The following MYO18B variants were observed in gnomAD, a reference collection of about 807,000 sequenced individuals.
The protein encoded by MYO18B is unconventional myosin-XVIIIb.
MYO18B carries 204 observed loss-of-function variants against 273.0 expected under a neutral mutation model. The observed-to-expected ratio is 0.75, with a 90% CI of 0.67 to 0.84. MYO18B has a LOEUF of 0.84. Ranked by LOEUF, MYO18B falls within the 40% of genes least tolerant of loss-of-function variation. The pLI is 0.00. For missense variants in MYO18B, 3,212 were observed against 3,287.6 expected (o/e 0.98, Z 0.56); for synonymous variants, 1,330 against 1,305.7 (o/e 1.02, Z -0.40).
At chr22:25,943,496 C>A (rs2092668548) in intron 34 of MYO18B, among the ~76,000 whole-genome samples, 1 of 152,112 alleles carries the variant, frequency 6.6e-6, no homozygotes, top group Non-Finnish European at 1.5e-5. Context: ...TGTAGCCCAG[C>A]TCACAAGCCT....
intron 42 of MYO18B, among the ~76,000 whole-genome samples, chr22:26,022,416 G>A (rs1421317747): frequency 2.0e-5 from 3 of 152,128 alleles, no homozygotes; most frequent in African/African-American, 4.8e-5. Flanking sequence ...CTACAAAACG[G>A]CATCTGAATT....
chr22:25,832,876 C>G, intron 15 of MYO18B, 41 bp from the exon 16 acceptor site: 1 of 1,549,084 alleles, frequency 6.5e-7, no homozygotes, highest in East Asian at 2.3e-5. Flanking sequence ...CCCCCTTCAG[C>G]TCGCTAAAAG....
chr22:25,961,985 T>G (rs921820137), intron 39 of MYO18B, among the ~76,000 whole-genome samples: 3 of 152,210 alleles, frequency 2.0e-5, no homozygotes, highest in African/African-American at 7.2e-5. Context: ...CTTCCCTTTG[T>G]GTCATGAGTG....
At chr22:25,876,615 C>T (rs1274522097) in intron 24 of MYO18B, among the ~76,000 whole-genome samples, 2 of 146,934 alleles carry the variant, frequency 1.4e-5, no homozygotes, top group African/African-American at 2.6e-5. Flanking sequence ...GCTCAATGGG[C>T]AGAGTCTTTG....
rs2089949294 is a variant in MYO18B at position 25,837,731 on chromosome 22, C to T, written c.3208+2288C>T. ...CATCTGATGCCTCCTGCAGCTCTCT[C>T]TGGAGCAAGCTCACAGTGCAAATTC... On this transcript the variant is annotated intron_variant, in intron 17 of 43. Transcript: ENST00000335473. Among the ~76,000 whole-genome samples the T allele has an allele frequency of 2.6e-5, 4 of 152,232 alleles. No individual in the cohort carries two copies. The South Asian group carries it at 8.3e-4, about 32-fold the overall frequency.
chr22:26,042,211 C>G, the MYO18B span, among the ~76,000 whole-genome samples: 1 of 152,232 alleles, frequency 6.6e-6, no homozygotes. Flanking sequence ...CAGAGTGTAA[C>G]TCACCTGGGA....
intron 1 of MYO18B, among the ~76,000 whole-genome samples, chr22:25,753,784 AGAAG>A (rs1381272010): frequency 3.9e-5 from 6 of 152,200 alleles, no homozygotes; most frequent in African/African-American, 1.4e-4. Context: ...CGAACCCATG[AGAAG>A]GAAGAAACTC....
At chr22:25,813,866 T>A (rs1474461975) in intron 12 of MYO18B, among the ~76,000 whole-genome samples, 1 of 152,116 alleles carries the variant, frequency 6.6e-6, no homozygotes, top group Non-Finnish European at 1.5e-5. Context: ...CCCAAATGCC[T>A]TCCCACGGCT....
downstream of MYO18B, among the ~76,000 whole-genome samples, chr22:26,033,418 G>T (rs940311101): frequency 6.6e-6 from 1 of 152,198 alleles, no homozygotes; most frequent in Non-Finnish European, 1.5e-5. Context: ...AAATTATCTT[G>T]TGAGTTCCGT....
chr22:25,871,660 T>C (rs998432239), intron 22 of MYO18B, among the ~76,000 whole-genome samples: 5 of 152,310 alleles, frequency 3.3e-5, no homozygotes, highest in Middle Eastern at 3.4e-3. Flanking sequence ...AATTTAGATT[T>C]TTCTTCGTGA....
rs750025745 is a variant in MYO18B, at chr22:25,890,879, AGTGGTCAGGG to A, written c.4434+9_4434+18del. 3 of 1,612,776 alleles carry A rather than the reference AGTGGTCAGGG, an allele frequency of 1.9e-6. No homozygotes were observed. Among genetic ancestry groups the A allele is most frequent in the Admixed American group, 3.3e-5 (2 of 59,904 alleles). The stretch of plus-strand genomic sequence containing the variant: ...CCGGGAGGTCCAGGAGCTCAAGGTG[AGTGGTCAGGG>A]GTGGCCAGGGGTGGCTGAACACGGT... On this transcript the variant is annotated splice_donor_5th_base_variant and intron_variant, in intron 26 of 43. Coordinates refer to ENST00000335473, the MANE Select transcript of MYO18B (RefSeq NM_032608.7).
chr22:25,752,817 CG>C (rs2085974452), intron 1 of MYO18B, among the ~76,000 whole-genome samples: 1 of 152,316 alleles, frequency 6.6e-6, no homozygotes. Flanking sequence ...CTCTGCTTGC[CG>C]GGAGGTGTGG....
intron 42 of MYO18B, among the ~76,000 whole-genome samples, chr22:26,025,909 T>A (rs1936204393): frequency 6.6e-6 from 1 of 152,230 alleles, no homozygotes; most frequent in African/African-American, 2.4e-5. Context: ...CATGTGAATC[T>A]TTCCCTTTTG....
chr22:25,963,160 C>CCTCTCTCTCT (rs35189393), intron 39 of MYO18B, among the ~76,000 whole-genome samples: 3 of 132,850 alleles, frequency 2.3e-5, no homozygotes, highest in African/African-American at 6.1e-5. Flanking sequence ...TCCTCTTTCT[C>CCTCTCTCTCT]CTCTCTCTCT....
rs1332961708 is a variant in MYO18B at position 25,847,612 on chromosome 22, T to C, written c.3735T>C (p.Ala1245=). 2 of 1,563,842 alleles carry C rather than the reference T, an allele frequency of 1.3e-6. No homozygotes were observed. Among genetic ancestry groups the C allele is most frequent in the South Asian group, 1.2e-5 (1 of 84,666 alleles). The part of the protein sequence containing the change: ...LDIPALRVQL[A]GFHILEALRL... ...TCCCAGCACTGAGGGTCCAGCTTGC[T>C]GGGTTCCACATCCTGGAGGCTCTGC... Residue 1245 remains alanine (A), a synonymous_variant, in exon 20 of 44, where the codon GCT becomes GCC. Transcript: ENST00000335473.
chr22:25,811,356 C>A (rs2088750460), intron 12 of MYO18B, among the ~76,000 whole-genome samples: 1 of 152,100 alleles, frequency 6.6e-6, no homozygotes. Flanking sequence ...AATAATTATG[C>A]AATCCCAGGA....
In MYO18B at chr22:25,835,414, C is replaced by G; in HGVS notation, c.3179C>G (p.Ala1060Gly). The G allele has an allele frequency of 6.2e-7, 1 of 1,613,926 alleles. No individual in the cohort carries two copies. Among genetic ancestry groups the G allele is most frequent in the Non-Finnish European group, 8.5e-7 (1 of 1,179,894 alleles). ...DSVVLERLCA[A>G]FEKKGAGTEG... ...GTGGTGCTCGAGCGTCTGTGTGCTG[C>G]TTTCGAGAAGAAAGGAGCTGGGACT... The change falls in exon 17 of 44, where the codon GCT becomes GGT. Residue 1060 changes from alanine (A) to glycine (G), a missense_variant. Transcript: ENST00000335473.
At chr22:25,828,422 T>C (rs911264006) in intron 14 of MYO18B, among the ~76,000 whole-genome samples, 2 of 152,172 alleles carry the variant, frequency 1.3e-5, no homozygotes, top group African/African-American at 4.8e-5. Context: ...ATAAAATAGT[T>C]TTTTGATTTT....
chr22:25,778,431 G>A (rs1224017685), intron 8 of MYO18B, among the ~76,000 whole-genome samples: 4 of 151,966 alleles, frequency 2.6e-5, no homozygotes, highest in Admixed American at 6.6e-5. Flanking sequence ...CAGAGTAAAT[G>A]CTTGCTGAAG....
Sources: allele counts gnomAD v4.1 joint callset (sites outside exome capture counted in the v4.1 genomes callset), GRCh38; gene constraint gnomAD v4.1.1; transcripts MANE v1.5; gene names NCBI Gene and HGNC (gene_info 2026-07-23, HGNC 2026-07-21).